Variants in ASIC2 observed in about 807,000 individuals in gnomAD.
ASIC2 encodes the protein acid sensing ion channel subunit 2, also known as acid-sensing ion channel 2.
A neutral mutation model predicts 57.3 loss-of-function variants in ASIC2; 25 were observed. The ratio of observed to expected loss-of-function variants is 0.44; its 90% CI spans 0.32 to 0.61. The LOEUF is 0.61. Ranked by LOEUF, ASIC2 falls within the 20% of genes least tolerant of loss-of-function variation. The pLI is 0.06. For missense variants in ASIC2, 641 were observed against 738.1 expected, an observed-to-expected ratio of 0.87 and a Z score of 1.52; for synonymous variants, 319 against 307.5, an observed-to-expected ratio of 1.04 and a Z score of -0.39.
intron 3 of ASIC2, among the ~76,000 whole-genome samples, chr17:33,029,792 C>A (rs140756762): frequency 6.6e-6 from 1 of 152,336 alleles, no homozygotes; most frequent in African/African-American, 2.4e-5. Context: ...CATGCCAAAT[C>A]TGGACTTCGT....
chr17:33,404,299 T>A (rs879496833), intron 1 of ASIC2, among the ~76,000 whole-genome samples: 1 of 152,202 alleles, frequency 6.6e-6, no homozygotes, highest in Non-Finnish European at 1.5e-5. Context: ...AATTGTTGAA[T>A]TGCACACTTG....
At chr17:33,870,128 A>G (rs1339849021) in intron 1 of ASIC2, among the ~76,000 whole-genome samples, 2 of 151,718 alleles carry the variant, frequency 1.3e-5, no homozygotes, top group East Asian at 2.0e-4. Context: ...TTGATACCAC[A>G]TTAGAAACCG....
At chr17:33,388,147 G>A (rs1250833811) in intron 1 of ASIC2, among the ~76,000 whole-genome samples, 1 of 151,938 alleles carries the variant, frequency 6.6e-6, no homozygotes, top group Non-Finnish European at 1.5e-5. Flanking sequence ...AAAAAACAAG[G>A]CAATGTGATC....
intron 1 of ASIC2, among the ~76,000 whole-genome samples, chr17:33,143,307 GA>G (rs1456476391): frequency 6.6e-6 from 1 of 152,082 alleles, no homozygotes; most frequent in Non-Finnish European, 1.5e-5. Context: ...GCATTCTAGG[GA>G]GCTAGGAATT....
intron 1 of ASIC2, among the ~76,000 whole-genome samples, chr17:33,892,916 G>A (rs1306514669): frequency 6.6e-6 from 1 of 152,088 alleles, no homozygotes; most frequent in Non-Finnish European, 1.5e-5. Context: ...GAGGGAGCTG[G>A]CTCCCTCCTT....
At chr17:34,033,440 C>A in intron 1 of ASIC2, among the ~76,000 whole-genome samples, 1 of 152,010 alleles carries the variant, frequency 6.6e-6, no homozygotes, top group South Asian at 2.1e-4. Context: ...CATCCTAACA[C>A]CACAATTAAA....
At chr17:34,016,191 G>A (rs764139236) in intron 1 of ASIC2, among the ~76,000 whole-genome samples, 5 of 152,092 alleles carry the variant, frequency 3.3e-5, no homozygotes, top group East Asian at 1.9e-4. Context: ...TTGGGAGGCC[G>A]AGGCAGGTGG....
intron 3 of ASIC2, chr17:33,053,004 G>A (rs2091983282): frequency 6.6e-6 from 1 of 152,196 alleles, no homozygotes; most frequent in Non-Finnish European, 1.5e-5. Context: ...GTTGAGAGAA[G>A]GCTGGGTCCC....
At position 33,600,350 on chromosome 17, in the gene ASIC2, T is replaced by C. The variant is rs568587419; in HGVS notation, c.556-488283A>G. 1.9e-3 allele frequency among the ~76,000 whole-genome samples: 282 copies of C among 152,352 alleles called. 1 individual carries two copies. The highest frequency in any genetic ancestry group is 6.5e-3 in the African/African-American group (269 of 41,588). ...CCTCACCAGATGCAACCCTTTGACA[T>C]TGGACTTCCTAGCTTCTAGAACCAT... On this transcript the variant is annotated intron_variant, in intron 1 of 9. Coordinates refer to the ASIC2 transcript ENST00000359872.
Position 33,756,513 on chromosome 17 carries a change from A to G in ASIC2, c.555+399465T>C, listed in dbSNP as rs537316704. 2.6e-5 allele frequency among the ~76,000 whole-genome samples: 4 copies of G among 152,330 alleles called. No homozygotes were observed. In the South Asian group the frequency reaches 8.3e-4, roughly 32 times the overall value. On this transcript the variant is annotated intron_variant, in intron 1 of 9. Coordinates refer to the ASIC2 transcript ENST00000359872. ...CAAGCCAAGGTGGCCTTCTGAAAGG[A>G]TCACTCTCTCCTTCCACTGTCCTGC...
intron 1 of ASIC2, among the ~76,000 whole-genome samples, chr17:33,525,338 C>T (rs902390505): frequency 2.0e-5 from 3 of 152,166 alleles, no homozygotes; most frequent in Admixed American, 1.3e-4. Flanking sequence ...CATATCTTGT[C>T]GCTTAGCTGC....
chr17:33,088,304 G>A (rs1487693612), intron 3 of ASIC2, among the ~76,000 whole-genome samples: 1 of 152,182 alleles, frequency 6.6e-6, no homozygotes, highest in African/African-American at 2.4e-5. Context: ...TCAGACGTGA[G>A]GCTGTGCCTG....
intron 1 of ASIC2, among the ~76,000 whole-genome samples, chr17:34,110,111 A>C (rs1427494652): frequency 6.6e-6 from 1 of 152,242 alleles, no homozygotes; most frequent in East Asian, 1.9e-4. Context: ...CTTCCCTCCA[A>C]TCTTTTTCCC....
In ASIC2 at chr17:34,100,181, CTTGTT is replaced by C. The variant is rs758761960; in HGVS notation, c.555+55792_555+55796del. Among the ~76,000 whole-genome samples the C allele has an allele frequency of 8.8e-4, 93 of 106,162 alleles. 1 individual carries two copies. The highest frequency in any genetic ancestry group is 1.3e-3 in the African/African-American group (42 of 32,624). 69.6% of individuals were successfully genotyped at this position (106,162 alleles called of 152,430 possible). On this transcript the variant is annotated intron_variant, in intron 1 of 9. Coordinates refer to the ASIC2 transcript ENST00000359872. ...TTAATTTAACATTCTTCCTCTCTTT[CTTGTT>C]TTTTTTTTTTTTTTAAATCAATTGG...
intron 1 of ASIC2, among the ~76,000 whole-genome samples, chr17:33,561,199 A>G (rs966650425): frequency 1.3e-5 from 2 of 152,214 alleles, no homozygotes; most frequent in African/African-American, 2.4e-5. Flanking sequence ...GAAGGCCAAC[A>G]CTAGAATTTA....
intron 1 of ASIC2, among the ~76,000 whole-genome samples, chr17:33,917,377 G>C (rs1196737912): frequency 6.6e-6 from 1 of 152,184 alleles, no homozygotes; most frequent in Admixed American, 6.5e-5. Context: ...CACTCTGCTA[G>C]AGGTTTCTCT....
chr17:33,934,406 C>T (rs1168888391), intron 1 of ASIC2, among the ~76,000 whole-genome samples: 1 of 152,064 alleles, frequency 6.6e-6, no homozygotes, highest in Non-Finnish European at 1.5e-5. Flanking sequence ...GATGCCACAC[C>T]TTGAGGATAG....
intron 1 of ASIC2, among the ~76,000 whole-genome samples, chr17:33,139,494 G>T (rs1373789735): frequency 1.3e-5 from 2 of 152,138 alleles, no homozygotes. Context: ...ACTGTTTTGG[G>T]CACAGCCCCC....
chr17:34,079,234 G>C (rs1440067054), intron 1 of ASIC2: 1 of 152,252 alleles, frequency 6.6e-6, no homozygotes, highest in African/African-American at 2.4e-5. Context: ...TGCATGGAAT[G>C]CAGGCTCCAT....
Sources: gnomAD v4.1 joint callset for allele counts (sites outside exome capture counted in the v4.1 genomes callset) on GRCh38, gnomAD v4.1.1 for gene constraint, MANE v1.5 for transcripts, NCBI Gene and HGNC (gene_info 2026-07-23, HGNC 2026-07-21) for gene names.